ELN: variants seen among roughly 807,000 people sequenced by gnomAD.
The protein encoded by ELN is elastin, also known as tropoelastin.
ELN carries 65 observed loss-of-function variants against 105.8 expected under a neutral mutation model. That is an observed-to-expected ratio of 0.61 (90% CI 0.50 to 0.75). ELN has a LOEUF of 0.75. Ranked by LOEUF, ELN falls within the 30% of genes least tolerant of loss-of-function variation. The probability of loss-of-function intolerance (pLI) is 0.00; values close to 1 mark genes in which losing one functional copy is unlikely to be tolerated. For missense variants in ELN, 882 were observed against 969.4 expected, an observed-to-expected ratio of 0.91 and a Z score of 1.20; for synonymous variants, 368 against 389.2, an observed-to-expected ratio of 0.95 and a Z score of 0.64.
chr7:74,046,887 T>C (rs1792687610), intron 12 of ELN, 120 bp downstream of exon 12: 3 of 1,145,918 alleles, frequency 2.6e-6, no homozygotes, highest in Admixed American at 2.0e-5. Flanking sequence ...AGTTCAAGAC[T>C]AGCCTGGCCA....
intron 10 of ELN, 122 bp from the exon 11 acceptor site, chr7:74,046,066 C>T: frequency 2.2e-6 from 3 of 1,337,798 alleles, no homozygotes; most frequent in South Asian, 1.2e-5. Flanking sequence ...TTCATGTGAG[C>T]GCAGCATGCG....
intron 20 of ELN, 68 bp downstream of exon 20, chr7:74,056,503 G>T (rs1336055494): frequency 1.2e-6 from 2 of 1,611,074 alleles, no homozygotes; most frequent in Non-Finnish European, 1.7e-6. Flanking sequence ...GCTCGGCTCT[G>T]CAGGGGCAGT....
chr7:74,029,612 G>C (rs1554661079), intron 1 of ELN, among the ~76,000 whole-genome samples: 1 of 152,158 alleles, frequency 6.6e-6, no homozygotes, highest in East Asian at 1.9e-4. Flanking sequence ...ACAGCTTCCT[G>C]TGCAGGGTCC....
At chr7:74,064,281 G>A (rs555933264) in intron 29 of ELN, among the ~76,000 whole-genome samples, 4 of 151,918 alleles carry the variant, frequency 2.6e-5, no homozygotes, top group African/African-American at 7.2e-5. Context: ...TGGGCGTGGT[G>A]GCAGACGCCT....
chr7:74,043,227 A>G, intron 8 of ELN, 59 bp downstream of exon 8: 1 of 1,551,650 alleles, frequency 6.4e-7, no homozygotes, highest in Non-Finnish European at 8.7e-7. Flanking sequence ...GAGGGCAGGG[A>G]GGAACAGAGC....
chr7:74,057,309 C>G, intron 21 of ELN: 2 of 1,249,694 alleles, frequency 1.6e-6, no homozygotes, highest in African/African-American at 1.5e-5. Context: ...TCCTCCGATT[C>G]TCCCACCCAC....
rs370665836 is a variant in ELN at position 74,068,736 on chromosome 7, G to A, written c.*36G>A. The A allele has an allele frequency of 7.6e-5, 123 of 1,612,650 alleles. No homozygotes were observed. The Middle Eastern group carries it at 8.2e-4, about 11-fold the overall frequency. ...ACCCCTGACTCACGACCTCATCAAC[G>A]TTGGTGCTACTGCTTGGTGGAGAAT... On this transcript the variant is annotated 3_prime_UTR_variant, in exon 33 of 33. Coordinates refer to ENST00000252034, the MANE Select transcript of ELN (RefSeq NM_000501.4).
chr7:74,035,749 A>G, intron 2 of ELN: 1 of 389,370 alleles, frequency 2.6e-6, no homozygotes, highest in South Asian at 2.4e-5. Flanking sequence ...CATGTTCTGC[A>G]TTGAGAAAAA....
rs782410717 is a variant in ELN, at chr7:74,042,610, G to A, written c.233-4G>A. On this transcript the variant is annotated splice_polypyrimidine_tract_variant and splice_region_variant and intron_variant, in intron 5 of 32. Coordinates refer to ENST00000252034, the MANE Select transcript of ELN (RefSeq NM_000501.4). ...AGGACCTCACCCCATCCTCCCCTCCGCAGGGCTCGGCGCCTTCCCCGCAGT... is the reference window on the plus strand; with the variant it reads ...AGGACCTCACCCCATCCTCCCCTCCACAGGGCTCGGCGCCTTCCCCGCAGT... 7.8e-5 allele frequency: 125 copies of A among 1,612,630 alleles called. 1 individual carries two copies. The highest frequency in any genetic ancestry group is 5.8e-4 in the South Asian group (53 of 91,048).
chr7:74,039,993 T>C (rs1422306027), intron 4 of ELN, among the ~76,000 whole-genome samples: 2 of 152,178 alleles, frequency 1.3e-5, no homozygotes, highest in Non-Finnish European at 2.9e-5. Context: ...TTCTCCTCCT[T>C]TCCAGATGCT....
At chr7:74,031,209 G>A (rs1788575526) in intron 1 of ELN, among the ~76,000 whole-genome samples, 1 of 152,202 alleles carries the variant, frequency 6.6e-6, no homozygotes, top group Non-Finnish European at 1.5e-5. Context: ...TCCCAGACCA[G>A]GCTCTTCAGC....
rs186488709 is a variant in ELN, at chr7:74,032,226, C to T, written c.83-3138C>T. Reference sequence around the variant, plus strand: ...TAGTCGGTGAAACATGCCAAAACCACATAAAACAAGACAAGTGTTCTCCAG... The same window carrying T: ...TAGTCGGTGAAACATGCCAAAACCATATAAAACAAGACAAGTGTTCTCCAG... On this transcript the variant is annotated intron_variant, in intron 1 of 32. Coordinates refer to ENST00000252034, the MANE Select transcript of ELN (RefSeq NM_000501.4). Among the ~76,000 whole-genome samples, 164 of 152,286 alleles carry T rather than the reference C, an allele frequency of 1.1e-3. 1 individual carries two copies. The highest frequency in any genetic ancestry group is 3.9e-3 in the African/African-American group (163 of 41,550).
chr7:74,035,849 G>A (rs1554665271), intron 2 of ELN, among the ~76,000 whole-genome samples: 1 of 152,128 alleles, frequency 6.6e-6, no homozygotes, highest in East Asian at 1.9e-4. Context: ...TGAGGCAGGA[G>A]GATCACTTGA....
chr7:74,041,368 C>G, intron 5 of ELN, 117 bp downstream of exon 5: 1 of 1,338,918 alleles, frequency 7.5e-7, no homozygotes, highest in South Asian at 1.2e-5. Flanking sequence ...CCGTCCTGGG[C>G]ACTGACGGGG....
chr7:74,063,592 C>T lies in ELN; in HGVS notation c.1919-29C>T, dbSNP rs142870606. ...GCTTCAGTCCCACCTTTCTGACCAGCGGAGTCTAATGCTCAGCTGTCTCCA... is the reference window on the plus strand; with the variant it reads ...GCTTCAGTCCCACCTTTCTGACCAGTGGAGTCTAATGCTCAGCTGTCTCCA... On this transcript the variant is annotated intron_variant, in intron 28 of 32. Coordinates refer to ENST00000252034, the MANE Select transcript of ELN (RefSeq NM_000501.4). The surrounding 1 kb of genome is among the most constrained non-coding windows in gnomAD (Gnocchi z 4.1). 2,312 of 1,614,102 alleles carry T rather than the reference C, an allele frequency of 1.4e-3. 2 individuals carry two copies. Among genetic ancestry groups the T allele is most frequent in the Middle Eastern group, 2.1e-3 (13 of 6,056 alleles).
intron 2 of ELN, 197 bp downstream of exon 2, chr7:74,035,611 T>G (rs1789746378): frequency 2.3e-5 from 16 of 705,690 alleles, no homozygotes; most frequent in Middle Eastern, 2.3e-4. Context: ...GGCTTATGCC[T>G]GTAATCTCAA....
At chr7:74,057,605 G>C (rs535169419) in intron 21 of ELN, 35 bp from the exon 22 acceptor site, 2 of 1,613,492 alleles carry the variant, frequency 1.2e-6, no homozygotes, top group South Asian at 1.1e-5. Flanking sequence ...GGGTGTGAGA[G>C]ATTACTCTCT....
At chr7:74,036,753 T>C (rs1301381314) in intron 3 of ELN, among the ~76,000 whole-genome samples, 169 bp downstream of exon 3, 2 of 152,206 alleles carry the variant, frequency 1.3e-5, no homozygotes, top group Admixed American at 6.5e-5. Flanking sequence ...CCAGAACCCA[T>C]TGGCCTTCCC....
chr7:74,046,322 C>A, intron 11 of ELN, 105 bp downstream of exon 11: 1 of 1,514,066 alleles, frequency 6.6e-7, no homozygotes, highest in Middle Eastern at 2.1e-4. Context: ...CCCAATTTCT[C>A]CCACGCCTGC....
Sources: gnomAD v4.1 joint callset for allele counts (sites outside exome capture counted in the v4.1 genomes callset) on GRCh38, gnomAD v4.1.1 for gene constraint, Gnocchi (gnomAD v3.1) non-coding constraint, MANE v1.5 for transcripts, NCBI Gene and HGNC (gene_info 2026-07-23, HGNC 2026-07-21) for gene names.